PDE10A: variants seen among roughly 807,000 people sequenced by gnomAD.
The protein encoded by PDE10A is phosphodiesterase 10A, also known as cAMP and cAMP-inhibited cGMP 3',5'-cyclic phosphodiesterase 10A.
PDE10A carries 39 observed loss-of-function variants against 97.7 expected under a neutral mutation model. The ratio of observed to expected loss-of-function variants is 0.40; its 90% CI spans 0.31 to 0.52. The LOEUF is 0.52. PDE10A is among the 20% of genes least tolerant of loss of function. PDE10A has a pLI of 0.56. For synonymous variants in PDE10A, 371 were observed against 376.8 expected (o/e 0.98, Z 0.18); for missense variants, 731 against 1,047.8 (o/e 0.70, Z 4.17).
chr6:165,447,306 A>C (rs1011245441), intron 5 of PDE10A, among the ~76,000 whole-genome samples: 3 of 152,182 alleles, frequency 2.0e-5, no homozygotes, highest in African/African-American at 7.2e-5. Context: ...CCTCAACTTC[A>C]GGATTGTTAC....
chr6:165,804,640 G>A (rs1466471250), intron 1 of PDE10A, among the ~76,000 whole-genome samples: 2 of 152,282 alleles, frequency 1.3e-5, no homozygotes, highest in South Asian at 2.1e-4. Flanking sequence ...AAACCCGGGG[G>A]CCTTGGCCTG....
intron 1 of PDE10A, chr6:165,773,122 A>G (rs925819860): frequency 6.6e-6 from 1 of 152,216 alleles, no homozygotes; most frequent in African/African-American, 2.4e-5. Flanking sequence ...AGCACAAACC[A>G]TGATCTTAAA....
At chr6:165,357,800 C>G (rs1400958861) in intron 18 of PDE10A, among the ~76,000 whole-genome samples, 1 of 151,936 alleles carries the variant, frequency 6.6e-6, no homozygotes, top group Non-Finnish European at 1.5e-5. Flanking sequence ...TTTCAAAGAA[C>G]TACTGGCATT....
Position 165,687,260 on chromosome 6 carries a change from T to G in PDE10A, c.-614-143692A>C, listed in dbSNP as rs927811064. ...ACCCAGAGGCACTGGGAGTTTCATA[T>G]CCACGTGAGAAAGTTTCATATCCAC... On this transcript the variant is annotated intron_variant, in intron 1 of 19. Transcript: ENST00000366882. Among the ~76,000 whole-genome samples the G allele has an allele frequency of 6.6e-5, 10 of 152,314 alleles. 1 individual carries two copies. In the East Asian group the frequency reaches 1.9e-3, roughly 29 times the overall value.
intron 1 of PDE10A, among the ~76,000 whole-genome samples, chr6:165,944,287 A>G (rs1205560709): frequency 6.6e-6 from 1 of 152,218 alleles, no homozygotes; most frequent in East Asian, 1.9e-4. Flanking sequence ...GGGTGGGGAC[A>G]CAGCCAAACC....
intron 1 of PDE10A, among the ~76,000 whole-genome samples, chr6:165,595,840 A>C (rs1786555005): frequency 6.6e-6 from 1 of 152,112 alleles, no homozygotes; most frequent in African/African-American, 2.4e-5. Context: ...AGCATTAATT[A>C]ATCCCATTCT....
intron 1 of PDE10A, among the ~76,000 whole-genome samples, chr6:165,803,051 C>T (rs375096978): frequency 7.9e-5 from 12 of 152,170 alleles, no homozygotes; most frequent in African/African-American, 2.2e-4. Context: ...GATACATTGC[C>T]GATAATTAAA....
At position 165,481,509 on chromosome 6, in the gene PDE10A, T is replaced by C. The variant is rs73247723; in HGVS notation, c.1023+806A>G. Reference sequence around the variant, plus strand: ...TATCTGCATATGTGATTCTATTAAGTTTTTCAATTTATGTCTTACAATAAA... The same window carrying C: ...TATCTGCATATGTGATTCTATTAAGCTTTTCAATTTATGTCTTACAATAAA... On this transcript the variant is annotated intron_variant, in intron 3 of 21. Transcript: ENST00000539869. Among the ~76,000 whole-genome samples the C allele has an allele frequency of 1.8e-3, 268 of 152,284 alleles. 2 individuals carry two copies. The highest frequency in any genetic ancestry group is 6.3e-3 in the African/African-American group (261 of 41,554).
chr6:165,619,504 G>C (rs199982595), intron 1 of PDE10A, among the ~76,000 whole-genome samples: 6 of 19,338 alleles, frequency 3.1e-4, no homozygotes, highest in East Asian at 1.2e-3. Context: ...GTAGTCTAGT[G>C]TAGTGTAGTC....
intron 1 of PDE10A, among the ~76,000 whole-genome samples, chr6:165,652,502 A>G (rs1239281675): frequency 1.3e-5 from 2 of 152,192 alleles, no homozygotes; most frequent in Non-Finnish European, 1.5e-5. Flanking sequence ...GCCCTTTTGG[A>G]TAACACTTTA....
intron 1 of PDE10A, among the ~76,000 whole-genome samples, chr6:165,560,109 G>A (rs777474382): frequency 6.6e-5 from 10 of 152,268 alleles, no homozygotes; most frequent in South Asian, 2.1e-4. Context: ...TATGCTACAG[G>A]TTGGTCCTAA....
At chr6:165,694,551 C>CG (rs146840810) in intron 1 of PDE10A, among the ~76,000 whole-genome samples, 2,474 of 152,308 alleles carry the variant, frequency 0.016, 65 homozygotes, top group African/African-American at 0.057. Flanking sequence ...AGGAGAGCAG[C>CG]GGGCGGTGTC....
At chr6:165,872,656 TTTTG>T (rs1477424569) in intron 1 of PDE10A, among the ~76,000 whole-genome samples, 3 of 100,080 alleles carry the variant, frequency 3.0e-5, no homozygotes, top group African/African-American at 1.2e-4. Flanking sequence ...GCTGTGTTTT[TTTTG>T]TTGTTGTTGT....
chr6:165,637,754 C>A (rs1409687219), intron 1 of PDE10A, among the ~76,000 whole-genome samples: 1 of 152,144 alleles, frequency 6.6e-6, no homozygotes, highest in Non-Finnish European at 1.5e-5. Context: ...ACAGGCGGGG[C>A]GCGTCCTCCC....
intron 1 of PDE10A, among the ~76,000 whole-genome samples, chr6:165,639,124 G>C (rs377177357): frequency 2.1e-5 from 3 of 141,986 alleles, no homozygotes; most frequent in African/African-American, 7.6e-5. Context: ...AGGAAGGAAG[G>C]AAGCTAGCTG....
chr6:165,663,287 C>T (rs1424548884), upstream of PDE10A, among the ~76,000 whole-genome samples: 2 of 151,932 alleles, frequency 1.3e-5, no homozygotes, highest in African/African-American at 2.4e-5. Flanking sequence ...CGCCGCCTTC[C>T]GCGCCCACGT....
chr6:165,598,067 C>T (rs965889959), intron 1 of PDE10A, among the ~76,000 whole-genome samples: 7 of 152,168 alleles, frequency 4.6e-5, no homozygotes, highest in Non-Finnish European at 1.0e-4. Context: ...CAACAAACCA[C>T]TCACAACTCT....
chr6:165,620,541 T>C (rs1378589997), intron 1 of PDE10A, among the ~76,000 whole-genome samples: 2 of 152,050 alleles, frequency 1.3e-5, no homozygotes, highest in Non-Finnish European at 2.9e-5. Flanking sequence ...GCAGAGCCAC[T>C]GAAGGCTAAG....
At chr6:165,597,621 T>A (rs745908449) in intron 1 of PDE10A, among the ~76,000 whole-genome samples, 1 of 152,178 alleles carries the variant, frequency 6.6e-6, no homozygotes, top group Non-Finnish European at 1.5e-5. Flanking sequence ...AAACAAAGAC[T>A]TACGTGCATT....
Sources: allele counts gnomAD v4.1 joint callset (sites outside exome capture counted in the v4.1 genomes callset), GRCh38; gene constraint gnomAD v4.1.1; transcripts MANE v1.5; gene names NCBI Gene and HGNC (gene_info 2026-07-23, HGNC 2026-07-21).